The following DLC1 variants were observed in gnomAD, a reference collection of about 807,000 sequenced individuals.
DLC1 encodes DLC1 Rho GTPase activating protein.
A neutral mutation model predicts 140.3 loss-of-function variants in DLC1; 54 were observed. The observed-to-expected ratio is 0.38, with a 90% CI of 0.31 to 0.48. DLC1 has a LOEUF of 0.48. Among genes scored for constraint, DLC1 ranks in the 20% least tolerant of loss-of-function variants. The pLI is 0.96. For missense variants in DLC1, 2,536 were observed against 1,907.0 expected, an observed-to-expected ratio of 1.33 and a Z score of -6.14; for synonymous variants, 986 against 728.1, an observed-to-expected ratio of 1.35 and a Z score of -5.70.
At chr8:13,170,601 G>A (rs1825400351) in intron 5 of DLC1, among the ~76,000 whole-genome samples, 1 of 151,964 alleles carries the variant, frequency 6.6e-6, no homozygotes, top group African/African-American at 2.4e-5. Flanking sequence ...ATGGTGGCGG[G>A]CACCTGTAGT....
intron 5 of DLC1, among the ~76,000 whole-genome samples, chr8:13,195,281 A>C (rs201621472): frequency 4.2e-5 from 2 of 47,720 alleles, no homozygotes; most frequent in Non-Finnish European, 9.5e-5. Context: ...TGAACTTGAC[A>C]AATGTATTTT....
At chr8:13,445,425 C>T (rs535931650) in intron 2 of DLC1, among the ~76,000 whole-genome samples, 7 of 152,158 alleles carry the variant, frequency 4.6e-5, no homozygotes, top group African/African-American at 1.7e-4. Flanking sequence ...TTTAAATCCT[C>T]ACAGGGCTTA....
intron 5 of DLC1, among the ~76,000 whole-genome samples, chr8:13,117,745 C>G (rs1018960839): frequency 6.6e-6 from 1 of 152,144 alleles, no homozygotes; most frequent in East Asian, 1.9e-4. Flanking sequence ...CCTTTTTTGA[C>G]GATAGTCAGA....
chr8:13,286,019 G>T (rs894868457), intron 5 of DLC1, among the ~76,000 whole-genome samples: 2 of 152,198 alleles, frequency 1.3e-5, no homozygotes, highest in African/African-American at 4.8e-5. Flanking sequence ...CAATAAATAT[G>T]CAATACAGTG....
chr8:13,345,137 T>G (rs1834268558), intron 4 of DLC1, among the ~76,000 whole-genome samples: 1 of 152,154 alleles, frequency 6.6e-6, no homozygotes, highest in Non-Finnish European at 1.5e-5. Context: ...GACTCATTTG[T>G]CCACGTGTGA....
chr8:13,347,398 G>A (rs923187336), intron 4 of DLC1, among the ~76,000 whole-genome samples: 16 of 152,302 alleles, frequency 1.1e-4, no homozygotes, highest in African/African-American at 3.8e-4. Flanking sequence ...AGAGCTCAAG[G>A]ATGTGCAGGT....
intron 5 of DLC1, among the ~76,000 whole-genome samples, chr8:13,147,672 A>T (rs370335705): frequency 0.034 from 5,128 of 149,204 alleles, 104 homozygotes; most frequent in African/African-American, 0.041. Flanking sequence ...TATTATTATT[A>T]TTTTTTTTTT....
At chr8:13,590,487 A>G (rs554463479) in intron 1 of DLC1, among the ~76,000 whole-genome samples, 101 of 152,164 alleles carry the variant, frequency 6.6e-4, no homozygotes, top group Non-Finnish European at 1.2e-3. Context: ...GTGGATATCC[A>G]GTTCTGAGCA....
intron 2 of DLC1, among the ~76,000 whole-genome samples, chr8:13,453,554 ATATTTTTTT>A (rs1489067763): frequency 0.026 from 881 of 33,332 alleles, 64 homozygotes; most frequent in Admixed American, 0.03. Flanking sequence ...ATATATATAT[ATATTTTTTT>A]TTTTTTTTTT....
chr8:13,505,808 T>G (rs1460661189), intron 1 of DLC1, among the ~76,000 whole-genome samples: 1 of 152,228 alleles, frequency 6.6e-6, no homozygotes, highest in Non-Finnish European at 1.5e-5. Context: ...TTGGAACAGG[T>G]ATTCTTAGGA....
At chr8:13,100,923 T>TC in intron 8 of DLC1, 153 bp from the exon 9 acceptor site, 1 of 716,754 alleles carries the variant, frequency 1.4e-6, no homozygotes, top group East Asian at 3.3e-5. Flanking sequence ...TTTTTTTTTT[T>TC]AAAAATAGGG....
chr8:13,152,130 A>G (rs1296819751), intron 5 of DLC1, among the ~76,000 whole-genome samples: 4 of 152,184 alleles, frequency 2.6e-5, no homozygotes, highest in Non-Finnish European at 5.9e-5. Flanking sequence ...TGTACTTGTA[A>G]GTTTAGGCAT....
chr8:13,566,785 G>T, intron 1 of DLC1: 1 of 652,222 alleles, frequency 1.5e-6, no homozygotes, highest in East Asian at 3.0e-5. Context: ...GGAGCGCGGA[G>T]GAAAAGGCGG....
intron 5 of DLC1, among the ~76,000 whole-genome samples, chr8:13,129,953 C>T (rs2128962029): frequency 6.6e-6 from 1 of 152,226 alleles, no homozygotes; most frequent in African/African-American, 2.4e-5. Flanking sequence ...CTTCCTGTTG[C>T]TAGGAAGGAG....
intron 5 of DLC1, among the ~76,000 whole-genome samples, chr8:13,300,180 G>C (rs1832132155): frequency 6.6e-6 from 1 of 152,124 alleles, no homozygotes; most frequent in Non-Finnish European, 1.5e-5. Context: ...ACTAAAGCAG[G>C]AACAGAAAAC....
intron 5 of DLC1, among the ~76,000 whole-genome samples, chr8:13,127,403 T>G (rs1821674324): frequency 6.6e-6 from 1 of 152,248 alleles, no homozygotes; most frequent in Non-Finnish European, 1.5e-5. Flanking sequence ...CCAGGCTGCC[T>G]TTGCCAAGTT....
At chr8:13,144,614 A>C (rs1823281610) in intron 5 of DLC1, among the ~76,000 whole-genome samples, 1 of 151,940 alleles carries the variant, frequency 6.6e-6, no homozygotes, top group Non-Finnish European at 1.5e-5. Flanking sequence ...AAATACAAAA[A>C]ATTAGCCAGG....
intron 1 of DLC1, among the ~76,000 whole-genome samples, chr8:13,503,214 G>T (rs776556181): frequency 1.3e-5 from 2 of 152,024 alleles, no homozygotes; most frequent in Non-Finnish European, 2.9e-5. Flanking sequence ...GACCAGCCTG[G>T]GTAACATAGA....
At chr8:13,317,228 A>G (rs1832894430) in intron 4 of DLC1, among the ~76,000 whole-genome samples, 1 of 152,244 alleles carries the variant, frequency 6.6e-6, no homozygotes, top group Non-Finnish European at 1.5e-5. Flanking sequence ...CATTAGCAAT[A>G]AGCCACATTT....
Sources: gnomAD v4.1 joint callset for allele counts (sites outside exome capture counted in the v4.1 genomes callset) on GRCh38, gnomAD v4.1.1 for gene constraint, MANE v1.5 for transcripts, NCBI Gene and HGNC (gene_info 2026-07-23, HGNC 2026-07-21) for gene names.